The following CMIP variants were observed in gnomAD, a reference collection of about 807,000 sequenced individuals.
CMIP encodes the protein c-Maf inducing protein.
A neutral mutation model predicts 97.3 loss-of-function variants in CMIP; 13 were observed. The ratio of observed to expected loss-of-function variants is 0.13; its 90% CI spans 0.09 to 0.21. The LOEUF (loss-of-function observed/expected upper bound fraction) is 0.21, where lower values mean the gene tolerates loss of function less well. CMIP is among the 10% of genes least tolerant of loss of function. The pLI, the probability that CMIP is intolerant of heterozygous loss-of-function variation, is 1.00. For missense variants in CMIP, 847 were observed against 1,024.9 expected (o/e 0.83, Z 2.37); for synonymous variants, 538 against 436.3 (o/e 1.23, Z -2.91).
intron 1 of CMIP, among the ~76,000 whole-genome samples, chr16:81,572,531 G>C (rs2091111248): frequency 6.6e-6 from 1 of 152,246 alleles, no homozygotes; most frequent in African/African-American, 2.4e-5. Context: ...TGCTTGCTCT[G>C]TTAGTTCTTT....
chr16:81,491,665 G>A lies in CMIP; in HGVS notation c.300+46124G>A, dbSNP rs1195108668. Reference sequence around the variant, plus strand: ...TTTTCAGATAAATTCCTCACTTGGCGAACTCTTGCCGCTTGACGTCCCCAA... The same window carrying A: ...TTTTCAGATAAATTCCTCACTTGGCAAACTCTTGCCGCTTGACGTCCCCAA... On this transcript the variant is annotated intron_variant, in intron 1 of 20. Transcript: ENST00000537098. 3.9e-5 allele frequency among the ~76,000 whole-genome samples: 6 copies of A among 152,178 alleles called. No homozygotes were observed. In the East Asian group the frequency reaches 9.6e-4, roughly 24 times the overall value.
intron 16 of CMIP, among the ~76,000 whole-genome samples, 171 bp downstream of exon 16, chr16:81,701,971 G>A (rs1907466931): frequency 6.6e-6 from 1 of 152,196 alleles, no homozygotes; most frequent in Non-Finnish European, 1.5e-5. Context: ...TAATCAAAGA[G>A]AAGCAAAGCA....
At position 81,664,348 on chromosome 16, in the gene CMIP, T is replaced by C; in HGVS notation, c.824T>C (p.Met275Thr). Residue 275 changes from methionine to threonine, a missense_variant and splice_region_variant, in exon 7 of 21, where the codon ATG becomes ACG. By Grantham distance (81) the Met-to-Thr change is moderately conservative (BLOSUM62 -1). Around this residue, in one of 4 missense-constraint regions of CMIP, gnomAD observed 285 missense variants for 392.2 expected, o/e 0.73. Transcript: ENST00000537098. The part of the protein sequence containing the change: ...PVVQRILKHN[M>T]DFGKCPRLRL... ...GTGCAGCGAATCCTCAAGCATAACA[T>C]GGTGAGTCACCCTGCCCCAACACCC... The C allele has an allele frequency of 6.3e-7, 1 of 1,590,246 alleles. No individual in the cohort carries two copies. The highest frequency in any genetic ancestry group is 8.6e-7 in the Non-Finnish European group (1 of 1,169,088).
chr16:81,526,256 C>G (rs2090131910), intron 1 of CMIP, among the ~76,000 whole-genome samples: 1 of 152,148 alleles, frequency 6.6e-6, no homozygotes, highest in Non-Finnish European at 1.5e-5. Context: ...GGATAGAATT[C>G]AAGTGATCTG....
chr16:81,583,872 G>A (rs1376920873), intron 1 of CMIP, among the ~76,000 whole-genome samples: 1 of 152,190 alleles, frequency 6.6e-6, no homozygotes, highest in African/African-American at 2.4e-5. Flanking sequence ...CATTTGAGTT[G>A]TGTTTTGGGA....
intron 1 of CMIP, among the ~76,000 whole-genome samples, chr16:81,546,500 G>A (rs951801750): frequency 2.0e-5 from 3 of 152,160 alleles, no homozygotes; most frequent in Non-Finnish European, 4.4e-5. Flanking sequence ...AGTTGCAGGC[G>A]GTTCATTCAT....
In CMIP at chr16:81,655,813, G is replaced by GC. The variant is rs2092475385; in HGVS notation, c.640-1961dup. Among the ~76,000 whole-genome samples, 1 of 152,182 alleles carries GC rather than the reference G, an allele frequency of 6.6e-6. No homozygotes were observed. Among genetic ancestry groups the GC allele is most frequent in the South Asian group, 2.1e-4 (1 of 4,822 alleles). On this transcript the variant is annotated intron_variant, in intron 4 of 20. Transcript: ENST00000537098. This position sits in a 1 kb window ranked among gnomAD's most constrained non-coding sequence, Gnocchi z 4.9. Reference sequence around the variant, plus strand: ...CTGCAGCCCCTATTACCCTGCGCCTGCTAGTCACTGCATCCCGTCAGTCTT... The same window carrying GC: ...CTGCAGCCCCTATTACCCTGCGCCTGCCTAGTCACTGCATCCCGTCAGTCTT...
intron 1 of CMIP, among the ~76,000 whole-genome samples, chr16:81,476,957 G>A (rs1350703627): frequency 6.6e-6 from 1 of 152,078 alleles, no homozygotes; most frequent in African/African-American, 2.4e-5. Context: ...CAGCGTGGAG[G>A]TCAGGGCTCC....
intron 1 of CMIP, among the ~76,000 whole-genome samples, chr16:81,471,688 T>C (rs1907568238): frequency 6.6e-6 from 1 of 152,224 alleles, no homozygotes; most frequent in African/African-American, 2.4e-5. Context: ...CTACATAGAC[T>C]CTGTTTCATC....
At chr16:81,579,736 C>T (rs1018502781) in intron 1 of CMIP, among the ~76,000 whole-genome samples, 1 of 152,090 alleles carries the variant, frequency 6.6e-6, no homozygotes, top group African/African-American at 2.4e-5. Context: ...AAATGGATCA[C>T]GAGGTCAGGA....
At chr16:81,499,936 C>T (rs911310335) in intron 1 of CMIP, among the ~76,000 whole-genome samples, 10 of 152,228 alleles carry the variant, frequency 6.6e-5, no homozygotes, top group African/African-American at 1.7e-4. Flanking sequence ...CCTTCCGGGG[C>T]GCCCCACGCA....
intron 1 of CMIP, among the ~76,000 whole-genome samples, chr16:81,487,310 G>A (rs956703176): frequency 2.6e-5 from 4 of 151,356 alleles, no homozygotes; most frequent in African/African-American, 9.7e-5. Flanking sequence ...GGGCGGTCAC[G>A]GCGAGCTGGC....
intron 1 of CMIP, among the ~76,000 whole-genome samples, chr16:81,563,871 C>G (rs959873915): frequency 6.6e-6 from 1 of 152,196 alleles, no homozygotes; most frequent in Non-Finnish European, 1.5e-5. Context: ...TTGGAAGAGC[C>G]GCCTTCCATT....
intron 1 of CMIP, among the ~76,000 whole-genome samples, chr16:81,539,237 A>G (rs1425943467): frequency 6.6e-6 from 1 of 152,224 alleles, no homozygotes; most frequent in East Asian, 1.9e-4. Context: ...AATTGCACAG[A>G]AAAACATTTT....
At position 81,696,754 on chromosome 16, in the gene CMIP, T is replaced by C. The variant is rs1906771243; in HGVS notation, c.1638+87T>C. 5.5e-6 allele frequency: 7 copies of C among 1,280,324 alleles called. No individual in the cohort carries two copies. The Admixed American group carries it at 1.3e-4, about 24-fold the overall frequency. The allele number at this position is 1,280,324 out of a possible 1,614,324, so 79.3% of individuals were successfully genotyped here. A position where few individuals can be genotyped will look rare whatever the true frequency, so the allele number is the denominator to read the frequency against. Reference sequence around the variant, plus strand: ...AGTAAAACAGCCGTCCCCCATCCCCTGGGGCCAGCCCCGGAGTTTCCCGGC... The same window carrying C: ...AGTAAAACAGCCGTCCCCCATCCCCCGGGGCCAGCCCCGGAGTTTCCCGGC... On this transcript the variant is annotated intron_variant, in intron 14 of 20. Coordinates refer to ENST00000537098, the MANE Select transcript of CMIP (RefSeq NM_198390.3).
At chr16:81,458,129 G>GT (rs1348145248) in intron 1 of CMIP, among the ~76,000 whole-genome samples, 13 of 152,198 alleles carry the variant, frequency 8.5e-5, no homozygotes, top group African/African-American at 2.9e-4. Flanking sequence ...ATTGAAGCAG[G>GT]TTTTTGGGGG....
chr16:81,601,166 C>T (rs1567603638), intron 1 of CMIP, among the ~76,000 whole-genome samples: 1 of 152,258 alleles, frequency 6.6e-6, no homozygotes, highest in Non-Finnish European at 1.5e-5. Flanking sequence ...GGCAAGGTTT[C>T]TCTGGCCTCG....
At chr16:81,558,206 G>C (rs1294545035) in intron 1 of CMIP, among the ~76,000 whole-genome samples, 1 of 152,210 alleles carries the variant, frequency 6.6e-6, no homozygotes, top group African/African-American at 2.4e-5. Context: ...GAGGACACGA[G>C]GTTGCTTCCA....
At chr16:81,709,652 G>A in intron 20 of CMIP, 94 bp from the exon 21 acceptor site, 1 of 1,408,150 alleles carries the variant, frequency 7.1e-7, no homozygotes. Flanking sequence ...GGGTGGCAGA[G>A]ACCCCCAGCC....
Sources: allele counts gnomAD v4.1 joint callset (sites outside exome capture counted in the v4.1 genomes callset), GRCh38; gene constraint gnomAD v4.1.1; regional missense constraint gnomAD v4.1.1; non-coding constraint Gnocchi (gnomAD v3.1); transcripts MANE v1.5; gene names NCBI Gene and HGNC (gene_info 2026-07-23, HGNC 2026-07-21).